Variants in CCDC172 observed in about 807,000 individuals in gnomAD.
The protein encoded by CCDC172 is coiled-coil domain-containing protein 172.
In CCDC172, 30 loss-of-function variants were observed where a neutral mutation model predicts 38.0. The ratio of observed to expected loss-of-function variants is 0.79; its 90% confidence interval spans 0.59 to 1.07. The LOEUF (loss-of-function observed/expected upper bound fraction) is 1.07. Among genes scored for constraint, CCDC172 ranks in the 50% least tolerant of loss-of-function variants. The pLI is 0.00. For missense variants in CCDC172, 297 were observed against 290.1 expected, an observed-to-expected ratio of 1.02 and a Z score of -0.17; for synonymous variants, 78 against 88.3, an observed-to-expected ratio of 0.88 and a Z score of 0.66.
intron 3 of CCDC172, among the ~76,000 whole-genome samples, chr10:116,331,829 C>A (rs1203217525): frequency 6.6e-6 from 1 of 152,094 alleles, no homozygotes; most frequent in Non-Finnish European, 1.5e-5. Context: ...TCACAGGTTT[C>A]CCCTGTTAAG....
intron 3 of CCDC172, among the ~76,000 whole-genome samples, chr10:116,329,198 T>A (rs553412641): frequency 6.6e-6 from 1 of 152,314 alleles, no homozygotes; most frequent in South Asian, 2.1e-4. Flanking sequence ...CTTATCATGT[T>A]TGTCATGAGT....
chr10:116,337,550 C>G (rs183330289), intron 3 of CCDC172, among the ~76,000 whole-genome samples: 93 of 152,218 alleles, frequency 6.1e-4, no homozygotes, highest in African/African-American at 2.1e-3. Context: ...TAGGAACTTC[C>G]CACCCTTTTC....
In CCDC172 at chr10:116,362,272, G is replaced by A. The variant is rs545497400; in HGVS notation, c.653+4334G>A. On this transcript the variant is annotated intron_variant, in intron 7 of 8. Coordinates refer to ENST00000333254, the MANE Select transcript of CCDC172 (RefSeq NM_198515.3). ...ACATAGGTATGTCTGTGTGTGTTTA[G>A]CAAAAATGGGATTATGAATCACACT... 9.9e-5 allele frequency among the ~76,000 whole-genome samples: 15 copies of A among 152,278 alleles called. No individual in the cohort carries two copies. In the East Asian group the frequency reaches 2.9e-3, roughly 29 times the overall value.
chr10:116,355,850 A>G (rs969880096), intron 5 of CCDC172, among the ~76,000 whole-genome samples: 1 of 152,138 alleles, frequency 6.6e-6, no homozygotes, highest in Non-Finnish European at 1.5e-5. Flanking sequence ...GCTAACAGGT[A>G]TGGAGTTTCT....
At chr10:116,367,977 A>T (rs1157537557) in intron 7 of CCDC172, among the ~76,000 whole-genome samples, 2 of 152,116 alleles carry the variant, frequency 1.3e-5, no homozygotes, top group Non-Finnish European at 2.9e-5. Flanking sequence ...TAGTTGTTTT[A>T]TAGAATGTTC....
intron 3 of CCDC172, among the ~76,000 whole-genome samples, chr10:116,334,437 G>A (rs1844704745): frequency 1.3e-5 from 2 of 152,136 alleles, no homozygotes; most frequent in African/African-American, 2.4e-5. Context: ...CCACCACACG[G>A]TTAACATTTT....
chr10:116,362,826 T>G (rs1459723409), intron 7 of CCDC172, among the ~76,000 whole-genome samples: 1 of 152,176 alleles, frequency 6.6e-6, no homozygotes. Flanking sequence ...CTGGTAAAAC[T>G]TCATCATTTA....
Position 116,357,458 on chromosome 10 carries a change from T to C in CCDC172, c.527T>C (p.Phe176Ser). 1 of 1,576,958 alleles carries C rather than the reference T, an allele frequency of 6.3e-7. No homozygotes were observed. The highest frequency in any genetic ancestry group is 8.6e-7 in the Non-Finnish European group (1 of 1,163,662). Residue 176 changes from phenylalanine to serine, a missense_variant, in exon 6 of 9, where the codon TTT becomes TCT. Transcript: ENST00000333254. ...KQKSELIQEL[F>S]TLQRKLKVFE... is the part of the protein sequence containing the mutation. The stretch of plus-strand genomic sequence containing the variant: ...AAGAGTGAATTGATACAAGAATTAT[T>C]TACTCTCCAAAGAAAACTTAAAGGT...
chr10:116,326,855 G>T (rs73374910), intron 3 of CCDC172, among the ~76,000 whole-genome samples: 16,943 of 152,054 alleles, frequency 0.11, 1,118 homozygotes, highest in East Asian at 0.21. Context: ...AATTTGTAAC[G>T]GTTATTCAGT....
chr10:116,340,095 G>A (rs1173560856), intron 3 of CCDC172, among the ~76,000 whole-genome samples: 1 of 151,822 alleles, frequency 6.6e-6, no homozygotes, highest in Non-Finnish European at 1.5e-5. Context: ...CATCTCAGGA[G>A]ATGTTATTTT....
chr10:116,342,278 T>A, intron 5 of CCDC172, 77 bp downstream of exon 5: 1 of 1,382,630 alleles, frequency 7.2e-7, no homozygotes. Flanking sequence ...TTCCAAAAAT[T>A]TAACTTTTTC....
At chr10:116,376,519 T>C (rs1845247751) in intron 7 of CCDC172, among the ~76,000 whole-genome samples, 1 of 152,218 alleles carries the variant, frequency 6.6e-6, no homozygotes, top group African/African-American at 2.4e-5. Context: ...AAAACTTACT[T>C]TTACTATTTT....
At position 116,342,188 on chromosome 10, in the gene CCDC172, C is replaced by G. The variant is rs141489077; in HGVS notation, c.435C>G (p.Asn145Lys). The change falls in exon 5 of 9, where the codon AAC (asparagine) becomes AAG (lysine). Residue 145 changes from asparagine to lysine, a missense_variant. Transcript: ENST00000333254. ...IEISDLENQA[N>K]MLKSEMKSME... ...TATCTGACTTAGAAAACCAAGCAAA[C>G]ATGTTGAAAAGTGGTATGAATAAAT... The G allele has an allele frequency of 1.7e-4, 253 of 1,526,022 alleles. No individual in the cohort carries two copies. The African/African-American group carries it at 3.3e-3, about 20-fold the overall frequency. 94.5% of individuals were successfully genotyped at this position (1,526,022 alleles called of 1,614,324 possible).
chr10:116,358,349 TAA>T (rs1845025676), intron 7 of CCDC172, among the ~76,000 whole-genome samples: 1 of 152,250 alleles, frequency 6.6e-6, no homozygotes, highest in East Asian at 1.9e-4. Flanking sequence ...GTTTTGTTCT[TAA>T]AAAGTGAAAA....
chr10:116,362,216 T>G (rs188714859), intron 7 of CCDC172, among the ~76,000 whole-genome samples: 450 of 152,346 alleles, frequency 3.0e-3, no homozygotes, highest in Non-Finnish European at 5.2e-3. Context: ...ACTGTCAGAA[T>G]TTATTTCTGT....
At chr10:116,350,166 G>T (rs144308415) in intron 5 of CCDC172, among the ~76,000 whole-genome samples, 10 of 152,274 alleles carry the variant, frequency 6.6e-5, no homozygotes, top group African/African-American at 2.4e-4. Context: ...ACTGAAGTGA[G>T]ATGAGAAGCC....
chr10:116,361,082 A>G (rs2134955541), intron 7 of CCDC172, among the ~76,000 whole-genome samples: 1 of 117,856 alleles, frequency 8.5e-6, no homozygotes, highest in Admixed American at 9.1e-5. Context: ...TATTATTATT[A>G]TTTGAGACAA....
At chr10:116,341,730 TG>T (rs1258468604) in intron 4 of CCDC172, among the ~76,000 whole-genome samples, 2 of 151,854 alleles carry the variant, frequency 1.3e-5, no homozygotes, top group African/African-American at 4.8e-5. Context: ...AATTATAAAA[TG>T]TAATATGATT....
intron 5 of CCDC172, among the ~76,000 whole-genome samples, chr10:116,356,144 A>T (rs1234791164): frequency 6.6e-6 from 1 of 152,060 alleles, no homozygotes; most frequent in Non-Finnish European, 1.5e-5. Flanking sequence ...CAGCCTGACC[A>T]ACATGGTGAA....
Sources: allele counts gnomAD v4.1 joint callset (sites outside exome capture counted in the v4.1 genomes callset), GRCh38; gene constraint gnomAD v4.1.1; transcripts MANE v1.5; gene names NCBI Gene and HGNC (gene_info 2026-07-23, HGNC 2026-07-21).